The following RAB27B variants were observed in gnomAD, a reference collection of about 807,000 sequenced individuals.
RAB27B encodes the protein RAB27B, member RAS oncogene family.
In RAB27B, 15 loss-of-function variants were observed where a neutral mutation model predicts 24.6. The observed-to-expected ratio is 0.61, with a 90% CI of 0.41 to 0.94. The LOEUF (loss-of-function observed/expected upper bound fraction) is 0.94, where lower values mean the gene tolerates loss of function less well. RAB27B is among the 40% of genes least tolerant of loss of function. The probability of loss-of-function intolerance (pLI) is 0.00; values close to 1 mark genes in which losing one functional copy is unlikely to be tolerated. For missense variants in RAB27B, 261 were observed against 266.8 expected (o/e 0.98, Z 0.15); for synonymous variants, 105 against 92.5 (o/e 1.14, Z -0.78).
chr18:54,759,078 C>T (rs577101526), intron 2 of RAB27B, among the ~76,000 whole-genome samples: 1 of 152,150 alleles, frequency 6.6e-6, no homozygotes, highest in South Asian at 2.1e-4. Flanking sequence ...GTAGAACACA[C>T]AGTATTTGGT....
chr18:54,888,441 A>G (rs1420740763), intron 5 of RAB27B, among the ~76,000 whole-genome samples: 3 of 152,114 alleles, frequency 2.0e-5, no homozygotes, highest in South Asian at 2.1e-4. Flanking sequence ...GCCACCCCAC[A>G]CAGTTAGTGA....
At chr18:54,727,347 G>A (rs1452880326) in intron 2 of RAB27B, among the ~76,000 whole-genome samples, 4 of 152,190 alleles carry the variant, frequency 2.6e-5, no homozygotes, top group African/African-American at 9.6e-5. Flanking sequence ...TAGAGAGTCA[G>A]GTGTATATAT....
At chr18:54,868,103 T>C (rs1039136625) in intron 1 of RAB27B, among the ~76,000 whole-genome samples, 1 of 152,146 alleles carries the variant, frequency 6.6e-6, no homozygotes, top group African/African-American at 2.4e-5. Flanking sequence ...AGTGTGTTCA[T>C]ACAAGATTAG....
chr18:54,734,467 G>A (rs1909829780), intron 2 of RAB27B, among the ~76,000 whole-genome samples: 1 of 152,102 alleles, frequency 6.6e-6, no homozygotes, highest in East Asian at 1.9e-4. Flanking sequence ...TTGATGATGA[G>A]ACTGATTGGC....
chr18:54,814,081 C>CAATAAA (rs1910049849), intron 2 of RAB27B, among the ~76,000 whole-genome samples: 2 of 152,178 alleles, frequency 1.3e-5, no homozygotes, highest in Admixed American at 1.3e-4. Flanking sequence ...TAATTAAGCA[C>CAATAAA]TGTCTTACAA....
chr18:54,816,248 T>C (rs555685850), intron 2 of RAB27B, among the ~76,000 whole-genome samples: 1 of 152,302 alleles, frequency 6.6e-6, no homozygotes, highest in South Asian at 2.1e-4. Flanking sequence ...CTGACCAAAT[T>C]GAGGGTATAA....
At chr18:54,751,071 G>A (rs1295094226) in intron 2 of RAB27B, among the ~76,000 whole-genome samples, 1 of 152,178 alleles carries the variant, frequency 6.6e-6, no homozygotes, top group Middle Eastern at 3.2e-3. Flanking sequence ...TCCTGCCCTC[G>A]AGAGACACTG....
chr18:54,779,406 A>T (rs1485058049), intron 2 of RAB27B, among the ~76,000 whole-genome samples: 1 of 152,124 alleles, frequency 6.6e-6, no homozygotes, highest in Non-Finnish European at 1.5e-5. Flanking sequence ...GCAGAACACA[A>T]TTTCTATTAT....
Position 54,889,219 on chromosome 18 carries a change from G to A in RAB27B, c.468-5G>A. ...CAAAAATATTTGCCATCCTTTCTAT[G>A]CTAGCATACCATATTTTGAAACAAG... On this transcript the variant is annotated splice_polypyrimidine_tract_variant and splice_region_variant and intron_variant, in intron 5 of 5. Coordinates refer to ENST00000262094, the MANE Select transcript of RAB27B (RefSeq NM_004163.4). 2 of 1,602,732 alleles carry A rather than the reference G, an allele frequency of 1.2e-6. No homozygotes were observed. The highest frequency in any genetic ancestry group is 1.7e-6 in the Non-Finnish European group (2 of 1,175,226).
At chr18:54,791,344 C>A (rs995756290) in intron 2 of RAB27B, among the ~76,000 whole-genome samples, 10 of 152,106 alleles carry the variant, frequency 6.6e-5, no homozygotes, top group African/African-American at 2.4e-4. Flanking sequence ...GAGGCTGAGG[C>A]TAGAGGACTG....
At chr18:54,787,718 C>T (rs1315573993) in intron 2 of RAB27B, among the ~76,000 whole-genome samples, 4 of 150,566 alleles carry the variant, frequency 2.7e-5, no homozygotes, top group Non-Finnish European at 1.5e-5. Flanking sequence ...GAAGAAAACA[C>T]TGACTGGATT....
rs1555651347 is a variant in RAB27B at position 54,733,658 on chromosome 18, C to CCA, written c.-20+15518_-20+15519insAC. On this transcript the variant is annotated intron_variant, in intron 2 of 4. Transcript: ENST00000586570. ...AAATCTTCTGTTCTAGAGCCCCCCC[C>CCA]CCCCAAATTTGCTAAGCTCCTTGGC... is the stretch of plus-strand genomic sequence containing the variant. Among the ~76,000 whole-genome samples the CCA allele has an allele frequency of 1.5e-5, 2 of 137,114 alleles. 1 individual carries two copies. Among genetic ancestry groups the CCA allele is most frequent in the Non-Finnish European group, 3.2e-5 (2 of 61,880 alleles). 90.0% of individuals were successfully genotyped at this position (137,114 alleles called of 152,430 possible). A position where few individuals can be genotyped will look rare whatever the true frequency, so the allele number is the denominator to read the frequency against.
At chr18:54,882,391 C>T (rs890081288) in intron 3 of RAB27B, among the ~76,000 whole-genome samples, 1 of 152,160 alleles carries the variant, frequency 6.6e-6, no homozygotes, top group African/African-American at 2.4e-5. Context: ...AAACACAGCT[C>T]CCTTCCCCTT....
chr18:54,865,541 A>T (rs998086892), intron 1 of RAB27B, among the ~76,000 whole-genome samples: 1 of 152,200 alleles, frequency 6.6e-6, no homozygotes, highest in Non-Finnish European at 1.5e-5. Context: ...TTGGCTTAAT[A>T]AGCTGTAAAT....
At chr18:54,864,142 G>T (rs1912118070) in intron 1 of RAB27B, among the ~76,000 whole-genome samples, 2 of 152,098 alleles carry the variant, frequency 1.3e-5, no homozygotes. Context: ...ATATAGGAGG[G>T]TTGCAACTTT....
chr18:54,868,596 TCA>T lies in RAB27B; in HGVS notation c.-19-8970_-19-8969del, dbSNP rs377348131. On this transcript the variant is annotated intron_variant, in intron 1 of 5. Coordinates refer to ENST00000262094, the MANE Select transcript of RAB27B (RefSeq NM_004163.4). ...AAAAAGGATGTGACATTCTAAACTCTCAGTTTCGTTGTTGTTGTTGTTGTTGT... is the reference window on the plus strand; with the variant it reads ...AAAAAGGATGTGACATTCTAAACTCTGTTTCGTTGTTGTTGTTGTTGTTGT... 4.6e-3 allele frequency among the ~76,000 whole-genome samples: 467 copies of T among 102,128 alleles called. 2 individuals are homozygous for T. The highest frequency in any genetic ancestry group is 0.014 in the African/African-American group (444 of 31,070). The allele number at this position is 102,128 out of a possible 152,430, so 67.0% of individuals were successfully genotyped here.
intron 1 of RAB27B, among the ~76,000 whole-genome samples, chr18:54,870,741 T>G (rs567435776): frequency 1.3e-5 from 2 of 152,340 alleles, no homozygotes; most frequent in African/African-American, 4.8e-5. Context: ...TTAACAACCT[T>G]CTGTATAGAT....
intron 5 of RAB27B, 158 bp downstream of exon 5, chr18:54,888,276 T>A: frequency 1.3e-6 from 1 of 743,436 alleles, no homozygotes; most frequent in Admixed American, 3.5e-5. Context: ...TATTAATGAA[T>A]TACTTAATAA....
At chr18:54,825,816 T>C (rs1286094799), upstream of RAB27B, among the ~76,000 whole-genome samples, 1 of 152,178 alleles carries the variant, frequency 6.6e-6, no homozygotes, top group Non-Finnish European at 1.5e-5. Flanking sequence ...AGCATTCCAA[T>C]ATACAGACGT....
Sources: allele counts gnomAD v4.1 joint callset (sites outside exome capture counted in the v4.1 genomes callset), GRCh38; gene constraint gnomAD v4.1.1; transcripts MANE v1.5; gene names NCBI Gene and HGNC (gene_info 2026-07-23, HGNC 2026-07-21).